The following OR10J1 variants were observed in gnomAD, a reference collection of about 807,000 sequenced individuals.
The protein encoded by OR10J1 is olfactory receptor family 10 subfamily J member 1, also known as olfactory receptor 10J1.
For synonymous variants in OR10J1, 202 were observed against 143.8 expected (o/e 1.40, Z -2.89); for missense variants, 474 against 376.6 (o/e 1.26, Z -2.14).
chr1:159,401,143 C>G, the OR10J1 span, among the ~76,000 whole-genome samples: 1 of 141,404 alleles, frequency 7.1e-6, no homozygotes. Context: ...GTGCCTGCAC[C>G]AAAAAAAAAA....
At chr1:159,435,354 C>A (rs1280894441), upstream of OR10J1, among the ~76,000 whole-genome samples, 5 of 152,182 alleles carry the variant, frequency 3.3e-5, no homozygotes, top group Non-Finnish European at 7.3e-5. Flanking sequence ...TCAATTCTCA[C>A]ATGCAGTCTG....
At chr1:159,420,198 C>T in the OR10J1 span, among the ~76,000 whole-genome samples, 2 of 151,910 alleles carry the variant, frequency 1.3e-5, no homozygotes, top group Admixed American at 6.6e-5. Context: ...CCCTTACTTT[C>T]AGTCTACACG....
the OR10J1 span, among the ~76,000 whole-genome samples, chr1:159,411,688 G>A: frequency 6.6e-6 from 1 of 151,948 alleles, no homozygotes; most frequent in Non-Finnish European, 1.5e-5. Flanking sequence ...GGAGCATTTA[G>A]CCCATTTACA....
chr1:159,436,240 C>T (rs949850835), upstream of OR10J1, among the ~76,000 whole-genome samples: 1 of 151,922 alleles, frequency 6.6e-6, no homozygotes, highest in African/African-American at 2.4e-5. Context: ...TGATCATGAA[C>T]CATTAATATG....
At chr1:159,439,084 C>T (rs1020688863), upstream of OR10J1, among the ~76,000 whole-genome samples, 27 of 152,204 alleles carry the variant, frequency 1.8e-4, 3 homozygotes, top group Admixed American at 1.6e-3. Context: ...GAACTGTCAG[C>T]AGACTTCCAT....
At chr1:159,406,185 G>A in the OR10J1 span, 1 of 512,676 alleles carries the variant, frequency 2.0e-6, no homozygotes, top group Non-Finnish European at 4.0e-6. Context: ...TCAGGAAGAA[G>A]TACATGGGGG....
chr1:159,416,080 T>A, the OR10J1 span, among the ~76,000 whole-genome samples: 2 of 152,072 alleles, frequency 1.3e-5, no homozygotes, highest in African/African-American at 4.8e-5. Context: ...AGAGGTTTTT[T>A]TTGGTGGAGT....
chr1:159,427,206 A>G, the OR10J1 span, among the ~76,000 whole-genome samples: 2 of 151,936 alleles, frequency 1.3e-5, no homozygotes, highest in Admixed American at 6.6e-5. Flanking sequence ...AGCAGTTCTC[A>G]GAACTGCTTT....
upstream of OR10J1, chr1:159,432,845 A>C: frequency 2.4e-6 from 1 of 409,438 alleles, no homozygotes; most frequent in Non-Finnish European, 4.3e-6. Context: ...CATGGTATTG[A>C]TCTTCATCTC....
the OR10J1 span, among the ~76,000 whole-genome samples, chr1:159,430,024 G>T: frequency 2.0e-5 from 3 of 152,070 alleles, no homozygotes; most frequent in East Asian, 1.9e-4. Context: ...TTGATGCAGG[G>T]ATTCTTGTTC....
chr1:159,430,813 C>G, the OR10J1 span, among the ~76,000 whole-genome samples: 1 of 151,978 alleles, frequency 6.6e-6, no homozygotes, highest in Admixed American at 6.5e-5. Flanking sequence ...CTGCACTTGG[C>G]AATTTACATA....
At chr1:159,409,377 A>G in the OR10J1 span, among the ~76,000 whole-genome samples, 1 of 152,080 alleles carries the variant, frequency 6.6e-6, no homozygotes, top group Non-Finnish European at 1.5e-5. Context: ...TTAGGCCTGT[A>G]TACTTAGGAA....
chr1:159,423,312 T>C, the OR10J1 span, among the ~76,000 whole-genome samples: 2 of 152,228 alleles, frequency 1.3e-5, no homozygotes, highest in Non-Finnish European at 2.9e-5. Context: ...CATGCTTGAA[T>C]TGACTGTGAC....
the OR10J1 span, among the ~76,000 whole-genome samples, chr1:159,420,011 G>A: frequency 1.3e-5 from 2 of 151,972 alleles, no homozygotes; most frequent in Non-Finnish European, 2.9e-5. Context: ...TCTGATGTTG[G>A]TGCATATATG....
chr1:159,414,299 G>T, the OR10J1 span, among the ~76,000 whole-genome samples: 1 of 151,850 alleles, frequency 6.6e-6, no homozygotes, highest in African/African-American at 2.4e-5. Context: ...TCTCTACCTC[G>T]ATGAAATCAA....
chr1:159,411,159 A>C, the OR10J1 span, among the ~76,000 whole-genome samples: 1 of 149,460 alleles, frequency 6.7e-6, no homozygotes. Context: ...GTGGTGCTGA[A>C]AAAATGCATA....
chr1:159,430,684 T>C, the OR10J1 span, among the ~76,000 whole-genome samples: 12 of 79,678 alleles, frequency 1.5e-4, no homozygotes, highest in Admixed American at 3.9e-4. Flanking sequence ...CGCGCACATG[T>C]TTGGGTGGCC....
At chr1:159,419,852 A>G in the OR10J1 span, among the ~76,000 whole-genome samples, 2 of 152,174 alleles carry the variant, frequency 1.3e-5, no homozygotes, top group Non-Finnish European at 2.9e-5. Context: ...ATTTGGTTAA[A>G]TATGCAACTT....
the OR10J1 span, chr1:159,432,617 C>A: frequency 2.2e-6 from 1 of 463,566 alleles, no homozygotes; most frequent in Admixed American, 3.3e-5. Context: ...TCATCATGGG[C>A]AAAAAGGCTT....
Sources: allele counts gnomAD v4.1 joint callset (sites outside exome capture counted in the v4.1 genomes callset), GRCh38; gene constraint gnomAD v4.1.1; transcripts MANE v1.5; gene names NCBI Gene and HGNC (gene_info 2026-07-23, HGNC 2026-07-21).